The following CTNNA3 variants were observed in gnomAD, a reference collection of about 807,000 sequenced individuals.
CTNNA3 encodes catenin alpha 3.
A neutral mutation model predicts 95.7 loss-of-function variants in CTNNA3; 76 were observed. The observed-to-expected ratio is 0.79, with a 90% confidence interval of 0.66 to 0.96. The LOEUF (loss-of-function observed/expected upper bound fraction) is 0.96, where lower values mean the gene tolerates loss of function less well. CTNNA3 is among the 40% of genes least tolerant of loss of function. CTNNA3 has a pLI of 0.00. For synonymous variants in CTNNA3, 431 were observed against 374.4 expected (o/e 1.15, Z -1.74); for missense variants, 1,191 against 1,089.8 (o/e 1.09, Z -1.31).
chr10:66,644,824 C>T (rs573991495), intron 9 of CTNNA3, among the ~76,000 whole-genome samples: 11 of 152,102 alleles, frequency 7.2e-5, no homozygotes, highest in Admixed American at 2.6e-4. Flanking sequence ...GATTCACCAC[C>T]GCAGTCAAGA....
In CTNNA3 at chr10:66,434,954, A is replaced by G. The variant is rs147091043; in HGVS notation, c.1532-55602T>C. ...TTTATGTGATGGATTCCATTTATTG[A>G]TTTGCTTATGTTGAACCATCCTTGC... On this transcript the variant is annotated intron_variant, in intron 11 of 17. Transcript: ENST00000433211. Among the ~76,000 whole-genome samples, 746 of 151,264 alleles carry G rather than the reference A, an allele frequency of 4.9e-3. 6 individuals carry two copies. Among genetic ancestry groups the G allele is most frequent in the African/African-American group, 0.012 (498 of 41,124 alleles).
rs868813304 is a variant in CTNNA3 at position 67,564,675 on chromosome 10, G to A, written c.293-25006C>T. Reference sequence around the variant, plus strand: ...TATATATGCATATATGTGTGTGTGTGTGTATATATATATATATATATATAT... The same window carrying A: ...TATATATGCATATATGTGTGTGTGTATGTATATATATATATATATATATAT... On this transcript the variant is annotated intron_variant, in intron 3 of 17. Coordinates refer to ENST00000433211, the MANE Select transcript of CTNNA3 (RefSeq NM_013266.4). Among the ~76,000 whole-genome samples, 250 of 67,776 alleles carry A rather than the reference G, an allele frequency of 3.7e-3. 1 individual carries two copies. The highest frequency in any genetic ancestry group is 0.018 in the African/African-American group (238 of 13,300). 44.5% of individuals were successfully genotyped at this position (67,776 alleles called of 152,430 possible). A position where few individuals can be genotyped will look rare whatever the true frequency, so the allele number is the denominator to read the frequency against.
At chr10:67,201,343 T>G (rs1355419509) in intron 6 of CTNNA3, among the ~76,000 whole-genome samples, 2 of 152,206 alleles carry the variant, frequency 1.3e-5, no homozygotes, top group African/African-American at 4.8e-5. Flanking sequence ...GTACAGTACA[T>G]GTTTGCACAT....
chr10:67,681,145 C>T (rs1589561758), intron 1 of CTNNA3, among the ~76,000 whole-genome samples: 1 of 152,136 alleles, frequency 6.6e-6, no homozygotes, highest in East Asian at 1.9e-4. Flanking sequence ...GTTAAATGTC[C>T]ACAGACCACT....
chr10:66,300,162 G>A (rs1048321086), intron 12 of CTNNA3, among the ~76,000 whole-genome samples: 1 of 152,048 alleles, frequency 6.6e-6, no homozygotes, highest in Admixed American at 6.6e-5. Context: ...TAAGAGATGG[G>A]ATTACAGGTG....
chr10:67,083,077 G>A (rs1238212651), intron 7 of CTNNA3, among the ~76,000 whole-genome samples: 1 of 152,122 alleles, frequency 6.6e-6, no homozygotes, highest in Non-Finnish European at 1.5e-5. Context: ...AGTGTGATCA[G>A]GGGACCAGTG....
chr10:66,591,922 A>G (rs772512093), intron 10 of CTNNA3, among the ~76,000 whole-genome samples: 10 of 152,122 alleles, frequency 6.6e-5, no homozygotes, highest in Non-Finnish European at 1.2e-4. Flanking sequence ...GCCCGTATAT[A>G]ACCCTATCAG....
At chr10:67,245,729 G>A (rs747496715) in intron 5 of CTNNA3, among the ~76,000 whole-genome samples, 4 of 151,860 alleles carry the variant, frequency 2.6e-5, no homozygotes, top group Non-Finnish European at 4.4e-5. Context: ...ATGGTGGCAT[G>A]TACCTGTAGT....
At chr10:66,256,042 C>T (rs1488003427) in intron 13 of CTNNA3, among the ~76,000 whole-genome samples, 6 of 152,142 alleles carry the variant, frequency 3.9e-5, no homozygotes, top group South Asian at 2.1e-4. Flanking sequence ...TGACACAGAA[C>T]CCAACTGGCA....
intron 12 of CTNNA3, among the ~76,000 whole-genome samples, chr10:66,371,070 G>A (rs955751752): frequency 6.6e-6 from 1 of 152,078 alleles, no homozygotes; most frequent in Non-Finnish European, 1.5e-5. Context: ...TACAAAGAAT[G>A]TCTCATACTT....
At chr10:65,970,248 G>A (rs1481907682) in intron 16 of CTNNA3, among the ~76,000 whole-genome samples, 2 of 152,014 alleles carry the variant, frequency 1.3e-5, no homozygotes, top group Non-Finnish European at 1.5e-5. Context: ...ATTACCATTA[G>A]GCCAGTTGTG....
intron 5 of CTNNA3, among the ~76,000 whole-genome samples, chr10:67,263,040 C>A (rs776364850): frequency 2.8e-4 from 43 of 152,132 alleles, no homozygotes; most frequent in Non-Finnish European, 2.9e-5. Context: ...AAACTTGATG[C>A]CATAACACAG....
intron 5 of CTNNA3, among the ~76,000 whole-genome samples, chr10:67,361,357 G>A (rs1842985833): frequency 6.6e-6 from 1 of 152,100 alleles, no homozygotes. Flanking sequence ...CATACTGCAA[G>A]ACTGATCACA....
chr10:66,315,887 G>T (rs1224413975), intron 12 of CTNNA3, among the ~76,000 whole-genome samples: 2 of 152,174 alleles, frequency 1.3e-5, no homozygotes, highest in East Asian at 1.9e-4. Flanking sequence ...AGTCTGAAAA[G>T]ATTTTAAAGT....
At chr10:66,870,045 G>A (rs1330848201) in intron 7 of CTNNA3, among the ~76,000 whole-genome samples, 1 of 152,076 alleles carries the variant, frequency 6.6e-6, no homozygotes, top group African/African-American at 2.4e-5. Context: ...AATTAAAAGG[G>A]TTTAAAATTT....
chr10:67,566,075 AAAACC>A (rs1841784122), intron 3 of CTNNA3, among the ~76,000 whole-genome samples: 4 of 100,158 alleles, frequency 4.0e-5, no homozygotes, highest in East Asian at 3.2e-4. Flanking sequence ...ATATATATAC[AAAACC>A]TAGGCATTAC....
At chr10:66,217,607 A>G (rs1019383044) in intron 13 of CTNNA3, among the ~76,000 whole-genome samples, 1 of 152,158 alleles carries the variant, frequency 6.6e-6, no homozygotes, top group African/African-American at 2.4e-5. Flanking sequence ...AAATGTTTTC[A>G]TCTGGACATA....
chr10:67,341,843 C>A (rs150670249), intron 5 of CTNNA3, among the ~76,000 whole-genome samples: 8 of 152,032 alleles, frequency 5.3e-5, no homozygotes, highest in Non-Finnish European at 8.8e-5. Context: ...TTCTCCATAT[C>A]CTCATTAGCA....
chr10:66,429,325 C>A (rs1814688198), intron 11 of CTNNA3, among the ~76,000 whole-genome samples: 2 of 152,120 alleles, frequency 1.3e-5, no homozygotes, highest in Non-Finnish European at 2.9e-5. Flanking sequence ...ACCAAAGATA[C>A]AAAGAGGAGC....
Sources: gnomAD v4.1 joint callset for allele counts (sites outside exome capture counted in the v4.1 genomes callset) on GRCh38, gnomAD v4.1.1 for gene constraint, MANE v1.5 for transcripts, NCBI Gene and HGNC (gene_info 2026-07-23, HGNC 2026-07-21) for gene names.